Variants in ERBB4 observed in about 807,000 individuals in gnomAD.
ERBB4 encodes the protein erb-b2 receptor tyrosine kinase 4, also known as receptor tyrosine-protein kinase erbB-4.
ERBB4 carries 42 observed loss-of-function variants against 158.0 expected under a neutral mutation model. The ratio of observed to expected loss-of-function variants is 0.27; its 90% CI spans 0.21 to 0.34. The LOEUF is 0.34. Ranked by LOEUF, ERBB4 falls within the 10% of genes least tolerant of loss-of-function variation. The pLI is 1.00. For missense variants in ERBB4, 1,333 were observed against 1,624.1 expected, an observed-to-expected ratio of 0.82 and a Z score of 3.08; for synonymous variants, 583 against 558.7, an observed-to-expected ratio of 1.04 and a Z score of -0.61.
chr2:211,985,407 G>A (rs1357992281), intron 2 of ERBB4, among the ~76,000 whole-genome samples: 1 of 152,134 alleles, frequency 6.6e-6, no homozygotes, highest in Non-Finnish European at 1.5e-5. Flanking sequence ...GTTAAGTACA[G>A]TAAATTCAAG....
chr2:212,016,546 T>C (rs1300509765), intron 2 of ERBB4, among the ~76,000 whole-genome samples: 1 of 152,180 alleles, frequency 6.6e-6, no homozygotes, highest in East Asian at 1.9e-4. Context: ...TTAGTTAACA[T>C]GTTTTAACTT....
At chr2:211,683,983 A>G (rs1002229527) in intron 12 of ERBB4, among the ~76,000 whole-genome samples, 5 of 152,108 alleles carry the variant, frequency 3.3e-5, no homozygotes, top group African/African-American at 9.7e-5. Flanking sequence ...TTTCATTTAT[A>G]TACTCTCCAG....
intron 1 of ERBB4, among the ~76,000 whole-genome samples, chr2:212,165,566 T>C (rs184788878): frequency 2.1e-4 from 32 of 152,150 alleles, no homozygotes; most frequent in Non-Finnish European, 4.3e-4. Flanking sequence ...AAAGCTTTTT[T>C]CTTTTCTTTT....
intron 3 of ERBB4, among the ~76,000 whole-genome samples, chr2:211,820,067 C>T (rs987247698): frequency 1.3e-5 from 2 of 151,782 alleles, no homozygotes; most frequent in Non-Finnish European, 2.9e-5. Context: ...ACATTCAAAT[C>T]ATTAACCATT....
chr2:211,665,251 G>T (rs2105918125), intron 15 of ERBB4, 72 bp downstream of exon 15: 2 of 1,445,798 alleles, frequency 1.4e-6, no homozygotes, highest in Non-Finnish European at 9.7e-7. Flanking sequence ...ACATTTCAGA[G>T]ATGGTACCAG....
chr2:212,068,306 G>A (rs555104854), intron 2 of ERBB4, among the ~76,000 whole-genome samples: 1 of 152,072 alleles, frequency 6.6e-6, no homozygotes, highest in Middle Eastern at 3.4e-3. Flanking sequence ...CTAAGTGCTG[G>A]TCACAAAAAG....
chr2:212,468,608 G>GTC (rs1560411731), intron 1 of ERBB4, among the ~76,000 whole-genome samples: 1 of 152,100 alleles, frequency 6.6e-6, no homozygotes, highest in East Asian at 1.9e-4. Context: ...AAATTGTCCC[G>GTC]TCTCAGGTAT....
intron 3 of ERBB4, among the ~76,000 whole-genome samples, chr2:211,908,556 C>G (rs1306350046): frequency 6.6e-6 from 1 of 151,704 alleles, no homozygotes; most frequent in South Asian, 2.1e-4. Flanking sequence ...TGAGTGTATA[C>G]CAAATGTATA....
intron 2 of ERBB4, among the ~76,000 whole-genome samples, chr2:212,039,424 C>T (rs536777981): frequency 2.6e-5 from 4 of 152,264 alleles, no homozygotes; most frequent in Admixed American, 1.3e-4. Context: ...GGATACTTTA[C>T]ATGGCTACAT....
intron 19 of ERBB4, among the ~76,000 whole-genome samples, chr2:211,571,015 T>C (rs941384602): frequency 3.3e-5 from 5 of 151,448 alleles, no homozygotes; most frequent in Non-Finnish European, 7.4e-5. Flanking sequence ...CCTGTCCTGA[T>C]TTTTCACTCT....
At chr2:211,571,941 T>A (rs2067741264) in intron 19 of ERBB4, among the ~76,000 whole-genome samples, 2 of 150,876 alleles carry the variant, frequency 1.3e-5, no homozygotes, top group African/African-American at 2.4e-5. Context: ...ACTTTACTAT[T>A]TTTTTTTTAA....
chr2:211,563,926 T>C (rs1160204819), intron 19 of ERBB4, among the ~76,000 whole-genome samples: 1 of 152,218 alleles, frequency 6.6e-6, no homozygotes, highest in Admixed American at 6.5e-5. Context: ...GTTCATTGTA[T>C]TACTCTTGAA....
At chr2:212,041,232 T>A (rs575542234) in intron 2 of ERBB4, among the ~76,000 whole-genome samples, 5 of 152,272 alleles carry the variant, frequency 3.3e-5, no homozygotes, top group African/African-American at 1.2e-4. Context: ...GTAAACGGGT[T>A]ACAAAATTAT....
At chr2:211,673,575 A>G (rs2071935572) in intron 13 of ERBB4, among the ~76,000 whole-genome samples, 1 of 145,006 alleles carries the variant, frequency 6.9e-6, no homozygotes, top group Non-Finnish European at 1.5e-5. Flanking sequence ...AACCATTTTT[A>G]CCTTTTTAAA....
chr2:211,392,312 G>A (rs982322746), intron 25 of ERBB4, among the ~76,000 whole-genome samples: 7 of 152,022 alleles, frequency 4.6e-5, no homozygotes, highest in Admixed American at 6.6e-5. Flanking sequence ...GTTTTGAGAC[G>A]TTTAGATTTA....
At position 212,480,808 on chromosome 2, in the gene ERBB4, G is replaced by T. The variant is rs185749343; in HGVS notation, c.82+57641C>A. ...TAAGTTTATTTGAAGGCTTTTAAAA[G>T]GAAATGATTTCACACTACTAATCTT... On this transcript the variant is annotated intron_variant, in intron 1 of 27. Coordinates refer to ENST00000342788, the MANE Select transcript of ERBB4 (RefSeq NM_005235.3). Among the ~76,000 whole-genome samples the T allele has an allele frequency of 1.3e-3, 197 of 152,282 alleles. 1 individual carries two copies. The highest frequency in any genetic ancestry group is 2.3e-3 in the Non-Finnish European group (156 of 68,012).
intron 1 of ERBB4, among the ~76,000 whole-genome samples, chr2:212,519,362 A>C (rs900597055): frequency 6.6e-6 from 1 of 152,012 alleles, no homozygotes. Context: ...AATATATACA[A>C]TTTCCCAATT....
intron 1 of ERBB4, among the ~76,000 whole-genome samples, chr2:212,454,106 A>G (rs759291293): frequency 4.6e-5 from 7 of 151,896 alleles, no homozygotes; most frequent in African/African-American, 7.3e-5. Context: ...ATGCCCAGCT[A>G]ATTTTTGTAT....
At chr2:211,734,909 CAAA>C (rs570006497) in intron 5 of ERBB4, among the ~76,000 whole-genome samples, 32 of 69,282 alleles carry the variant, frequency 4.6e-4, no homozygotes, top group African/African-American at 1.3e-3. Flanking sequence ...GAGACTCTGT[CAAA>C]AAAAAAAAAA....
Sources: allele counts gnomAD v4.1 joint callset (sites outside exome capture counted in the v4.1 genomes callset), GRCh38; gene constraint gnomAD v4.1.1; transcripts MANE v1.5; gene names NCBI Gene and HGNC (gene_info 2026-07-23, HGNC 2026-07-21).